Variants in CDC42SE2 observed in about 807,000 individuals in gnomAD.
CDC42SE2 encodes CDC42 small effector protein 2.
A neutral mutation model predicts 11.5 loss-of-function variants in CDC42SE2; 3 were observed. That is an observed-to-expected ratio of 0.26 (90% CI 0.12 to 0.67). The LOEUF (loss-of-function observed/expected upper bound fraction) is 0.67, where lower values mean the gene tolerates loss of function less well. Among genes scored for constraint, CDC42SE2 ranks in the 30% least tolerant of loss-of-function variants. The probability of loss-of-function intolerance (pLI) is 0.80; values close to 1 mark genes in which losing one functional copy is unlikely to be tolerated. For synonymous variants in CDC42SE2, 33 were observed against 34.8 expected (o/e 0.95, Z 0.18); for missense variants, 82 against 106.8 (o/e 0.77, Z 1.02).
intron 1 of CDC42SE2, among the ~76,000 whole-genome samples, chr5:131,293,496 C>T (rs1231021280): frequency 2.6e-5 from 4 of 151,020 alleles, no homozygotes; most frequent in Admixed American, 6.6e-5. Flanking sequence ...CGCTTGAACC[C>T]GGGAGGCGGA....
chr5:131,285,675 A>G (rs746812413), intron 1 of CDC42SE2, among the ~76,000 whole-genome samples: 3 of 152,218 alleles, frequency 2.0e-5, no homozygotes, highest in African/African-American at 4.8e-5. Context: ...ATGGTAGGCA[A>G]TTTGGTACTT....
intron 2 of CDC42SE2, among the ~76,000 whole-genome samples, chr5:131,337,369 G>A (rs1196246890): frequency 6.6e-6 from 1 of 152,208 alleles, no homozygotes; most frequent in Non-Finnish European, 1.5e-5. Context: ...GAGGTGTCAA[G>A]TCTGCCCCTA....
intron 1 of CDC42SE2, among the ~76,000 whole-genome samples, chr5:131,276,775 G>A (rs1757111371): frequency 1.3e-5 from 2 of 151,244 alleles, no homozygotes; most frequent in Admixed American, 6.6e-5. Flanking sequence ...TCACCCAGGT[G>A]GGAATGTAGT....
chr5:131,224,823 A>C, the CDC42SE2 span, among the ~76,000 whole-genome samples: 1 of 151,774 alleles, frequency 6.6e-6, no homozygotes, highest in Non-Finnish European at 1.5e-5. Context: ...CAGCAGATGC[A>C]GGAGCCAAAG....
intron 3 of CDC42SE2, among the ~76,000 whole-genome samples, chr5:131,368,133 G>A (rs1749911559): frequency 6.6e-6 from 1 of 151,720 alleles, no homozygotes; most frequent in South Asian, 2.1e-4. Flanking sequence ...GACGCCTGTG[G>A]TCCCAGCTAC....
the CDC42SE2 span, among the ~76,000 whole-genome samples, chr5:131,237,927 T>A: frequency 6.6e-6 from 1 of 152,206 alleles, no homozygotes; most frequent in African/African-American, 2.4e-5. Context: ...CTATTCTCAG[T>A]GTGTTCCTCT....
chr5:131,263,475 A>G (rs933858064), upstream of CDC42SE2, among the ~76,000 whole-genome samples: 3 of 152,324 alleles, frequency 2.0e-5, no homozygotes, highest in Admixed American at 6.5e-5. Context: ...GTACATGTGT[A>G]ATTTTCACGC....
chr5:131,279,036 C>T (rs556074496), intron 1 of CDC42SE2, among the ~76,000 whole-genome samples: 18 of 151,798 alleles, frequency 1.2e-4, no homozygotes, highest in Non-Finnish European at 2.1e-4. Context: ...GCGCATGCCT[C>T]GATCTCCCAA....
At chr5:131,333,071 G>A (rs927875452) in intron 2 of CDC42SE2, among the ~76,000 whole-genome samples, 1 of 152,128 alleles carries the variant, frequency 6.6e-6, no homozygotes, top group African/African-American at 2.4e-5. Flanking sequence ...GTATTGCCTA[G>A]GTTTTCTTCT....
intron 1 of CDC42SE2, among the ~76,000 whole-genome samples, chr5:131,308,050 G>T (rs920731255): frequency 5.3e-5 from 8 of 152,112 alleles, no homozygotes; most frequent in African/African-American, 1.9e-4. Context: ...TTCTTTTGCT[G>T]TGCAGAAGCT....
At chr5:131,229,148 C>T in the CDC42SE2 span, among the ~76,000 whole-genome samples, 1 of 149,058 alleles carries the variant, frequency 6.7e-6, no homozygotes, top group African/African-American at 2.6e-5. Flanking sequence ...ACTACATAGA[C>T]TTATAATTAC....
intron 1 of CDC42SE2, among the ~76,000 whole-genome samples, chr5:131,301,019 A>G (rs1225325873): frequency 1.3e-5 from 2 of 152,224 alleles, no homozygotes; most frequent in African/African-American, 4.8e-5. Context: ...GTGAAACCAA[A>G]TCTCAGGGAG....
intron 1 of CDC42SE2, among the ~76,000 whole-genome samples, chr5:131,301,228 C>T (rs1009732461): frequency 5.3e-5 from 8 of 151,978 alleles, no homozygotes; most frequent in African/African-American, 1.9e-4. Flanking sequence ...TTAAAGGACA[C>T]AAAATTACAA....
At chr5:131,353,471 G>A (rs1749419139) in intron 2 of CDC42SE2, among the ~76,000 whole-genome samples, 1 of 151,998 alleles carries the variant, frequency 6.6e-6, no homozygotes, top group African/African-American at 2.4e-5. Context: ...TAGTAGGGAT[G>A]GGGTTCTGCT....
the CDC42SE2 span, among the ~76,000 whole-genome samples, chr5:131,212,710 G>A: frequency 6.6e-6 from 1 of 152,136 alleles, no homozygotes; most frequent in Non-Finnish European, 1.5e-5. Context: ...GGCATATGGG[G>A]ATTTCCTTTC....
At chr5:131,247,019 C>T (rs1308076463) in intron 1 of CDC42SE2, among the ~76,000 whole-genome samples, 3 of 152,112 alleles carry the variant, frequency 2.0e-5, no homozygotes, top group African/African-American at 7.2e-5. Context: ...GCTGGGATTA[C>T]AAGCGTGCGC....
intron 2 of CDC42SE2, among the ~76,000 whole-genome samples, chr5:131,353,888 G>A (rs1011958016): frequency 6.6e-6 from 1 of 151,680 alleles, no homozygotes; most frequent in East Asian, 1.9e-4. Flanking sequence ...CTCTGGCCTC[G>A]GTGACAGAGC....
intron 1 of CDC42SE2, among the ~76,000 whole-genome samples, chr5:131,290,297 C>T (rs1757429403): frequency 1.3e-5 from 2 of 152,038 alleles, no homozygotes; most frequent in African/African-American, 4.8e-5. Flanking sequence ...GACCTGTGTA[C>T]CCCCTGGAAA....
chr5:131,249,014 CTTT>C (rs35929101), intron 1 of CDC42SE2, among the ~76,000 whole-genome samples: 5 of 116,088 alleles, frequency 4.3e-5, no homozygotes. Context: ...CAGGTTACAT[CTTT>C]TTTTTTTTTT....
Sources: allele counts gnomAD v4.1 joint callset (sites outside exome capture counted in the v4.1 genomes callset), GRCh38; gene constraint gnomAD v4.1.1; transcripts MANE v1.5; gene names NCBI Gene and HGNC (gene_info 2026-07-23, HGNC 2026-07-21).